Variants in LY75 observed in about 807,000 individuals in gnomAD.
The protein encoded by LY75 is lymphocyte antigen 75, also known as C-type lectin domain family 13 member B.
Under a neutral mutation model 231.7 loss-of-function variants are expected in LY75, and 185 were observed. The ratio of observed to expected loss-of-function variants is 0.80; its 90% CI spans 0.71 to 0.90. The LOEUF is 0.90. Among genes scored for constraint, LY75 ranks in the 40% least tolerant of loss-of-function variants. The pLI, the probability that LY75 is intolerant of heterozygous loss-of-function variation, is 0.00. For missense variants in LY75, 1,947 were observed against 2,050.2 expected (o/e 0.95, Z 0.97); for synonymous variants, 668 against 689.0 (o/e 0.97, Z 0.48).
intron 13 of LY75, among the ~76,000 whole-genome samples, chr2:159,871,377 C>T (rs1685007664): frequency 6.6e-6 from 1 of 151,944 alleles, no homozygotes; most frequent in Admixed American, 6.6e-5. Flanking sequence ...GAGTCAGGCC[C>T]CATTTCAGGA....
chr2:159,887,212 C>CAA (rs1685616634), intron 4 of LY75, among the ~76,000 whole-genome samples: 6 of 5,076 alleles, frequency 1.2e-3, no homozygotes, highest in East Asian at 0.17. Flanking sequence ...GAGTGAGAGT[C>CAA]ACACACACAC....
At chr2:159,837,159 C>T (rs1292937796) in intron 25 of LY75, among the ~76,000 whole-genome samples, 3 of 152,116 alleles carry the variant, frequency 2.0e-5, no homozygotes, top group African/African-American at 7.2e-5. Context: ...CAGAGGAAAA[C>T]AAATCGTTCT....
At chr2:159,866,712 T>C (rs764520416) in intron 13 of LY75, among the ~76,000 whole-genome samples, 2 of 152,196 alleles carry the variant, frequency 1.3e-5, no homozygotes, top group African/African-American at 4.8e-5. Flanking sequence ...TAAGTTTTCT[T>C]CCTCATATTT....
chr2:159,853,197 C>T, intron 20 of LY75, 76 bp downstream of exon 20: 2 of 1,437,810 alleles, frequency 1.4e-6, no homozygotes, highest in Non-Finnish European at 1.9e-6. Context: ...AAAAGGAAAA[C>T]AAGATTAAGC....
At chr2:159,903,573 AG>A (rs1475240998) in intron 1 of LY75, 2 of 152,238 alleles carry the variant, frequency 1.3e-5, no homozygotes, top group Non-Finnish European at 2.9e-5. Context: ...CGCTCTCCGA[AG>A]GAAGTCTAAA....
At chr2:159,878,828 T>C in intron 9 of LY75, 107 bp from the exon 10 acceptor site, 2 of 1,206,362 alleles carry the variant, frequency 1.7e-6, no homozygotes, top group Non-Finnish European at 1.2e-6. Flanking sequence ...TTGTGGAAAT[T>C]GAGGACATGG....
intron 13 of LY75, among the ~76,000 whole-genome samples, chr2:159,869,353 G>C (rs181839885): frequency 1.2e-4 from 19 of 152,112 alleles, no homozygotes; most frequent in Middle Eastern, 3.4e-3. Flanking sequence ...CCACCATGAG[G>C]ACTTCCATGA....
rs1344020713 is a variant in LY75, at chr2:159,829,618, A to C, written c.3958+2052T>G. On this transcript the variant is annotated intron_variant, in intron 28 of 34. Coordinates refer to ENST00000263636, the MANE Select transcript of LY75 (RefSeq NM_002349.4). ...GAAAAGTCAAAGCTGTTTTAAAAAC[A>C]GAATTCCTTGTATAGGGGCCAAAAA... 2.0e-5 allele frequency among the ~76,000 whole-genome samples: 3 copies of C among 149,602 alleles called. No homozygotes were observed. In the East Asian group the frequency reaches 5.9e-4, roughly 30 times the overall value.
intron 23 of LY75, among the ~76,000 whole-genome samples, chr2:159,842,656 G>A (rs1229641249): frequency 6.6e-5 from 10 of 151,994 alleles, no homozygotes; most frequent in African/African-American, 2.2e-4. Flanking sequence ...TTTAACACTC[G>A]ACTACAGTAT....
At chr2:159,885,115 C>G (rs751037112) in intron 6 of LY75, 38 bp downstream of exon 6, 3 of 1,590,198 alleles carry the variant, frequency 1.9e-6, no homozygotes, top group Non-Finnish European at 2.6e-6. Flanking sequence ...GATTTTAAGA[C>G]CTATTTGTCT....
intron 2 of LY75, among the ~76,000 whole-genome samples, chr2:159,896,506 G>A (rs2125885473): frequency 6.6e-6 from 1 of 152,276 alleles, no homozygotes; most frequent in Admixed American, 6.5e-5. Flanking sequence ...TAACAAACCA[G>A]GTAACCTTGG....
intron 29 of LY75, 31 bp downstream of exon 29, chr2:159,819,695 G>A: frequency 6.4e-7 from 1 of 1,567,228 alleles, no homozygotes; most frequent in Non-Finnish European, 8.6e-7. Context: ...TCCCTGGAGT[G>A]AAAGAAAACT....
In LY75 at chr2:159,904,739, G is replaced by T. The variant is rs1686190236; in HGVS notation, c.-57C>A. 2.2e-6 allele frequency: 3 copies of T among 1,355,766 alleles called. No individual in the cohort carries two copies. Among genetic ancestry groups the T allele is most frequent in the Non-Finnish European group, 1.9e-6 (2 of 1,057,824 alleles). The allele number at this position is 1,355,766 out of a possible 1,614,324, so 84.0% of individuals were successfully genotyped here. On this transcript the variant is annotated 5_prime_UTR_variant, in exon 1 of 35. Coordinates refer to ENST00000263636, the MANE Select transcript of LY75 (RefSeq NM_002349.4). ...CTCGGGCGCACGCGGCTCCCGCCCC[G>T]CCTGCTGAGCGCGGCCTGCCCCGCC...
intron 28 of LY75, among the ~76,000 whole-genome samples, chr2:159,823,038 C>T (rs1209782137): frequency 6.6e-6 from 1 of 152,202 alleles, no homozygotes; most frequent in East Asian, 1.9e-4. Context: ...AACACTTCTT[C>T]TCCTCCAAAG....
chr2:159,882,468 C>A (rs1021549834), intron 6 of LY75, 153 bp from the exon 7 acceptor site: 1 of 596,788 alleles, frequency 1.7e-6, no homozygotes, highest in African/African-American at 2.0e-5. Context: ...GTGGTGCCTA[C>A]CACATAAATG....
intron 34 of LY75, among the ~76,000 whole-genome samples, chr2:159,805,723 G>A (rs756687305): frequency 1.3e-5 from 2 of 152,130 alleles, no homozygotes; most frequent in Non-Finnish European, 2.9e-5. Flanking sequence ...AGATGGATTC[G>A]CTCTGTTCCA....
chr2:159,850,791 T>TATATATATATATATATATATATATATATA (rs1341394980), intron 21 of LY75, among the ~76,000 whole-genome samples: 8 of 94,506 alleles, frequency 8.5e-5, no homozygotes, highest in Middle Eastern at 4.3e-3. Flanking sequence ...TATATATATA[T>TATATATATATATATATATATATATATATA]ATATATATTA....
At chr2:159,854,851 A>C in intron 17 of LY75, 53 bp downstream of exon 17, 2 of 1,602,716 alleles carry the variant, frequency 1.2e-6, no homozygotes, top group Middle Eastern at 1.7e-4. Flanking sequence ...AACTAAATGC[A>C]TTAGTGACAA....
intron 8 of LY75, among the ~76,000 whole-genome samples, chr2:159,880,701 G>T (rs1000803396): frequency 2.6e-5 from 4 of 152,208 alleles, no homozygotes; most frequent in Non-Finnish European, 5.9e-5. Context: ...TGACACCAGG[G>T]ACCAGTTTTG....
Sources: gnomAD v4.1 joint callset for allele counts (sites outside exome capture counted in the v4.1 genomes callset) on GRCh38, gnomAD v4.1.1 for gene constraint, MANE v1.5 for transcripts, NCBI Gene and HGNC (gene_info 2026-07-23, HGNC 2026-07-21) for gene names.